PTPRR: variants seen among roughly 807,000 people sequenced by gnomAD.
PTPRR encodes protein tyrosine phosphatase receptor type R, also known as receptor-type tyrosine-protein phosphatase R.
A neutral mutation model predicts 77.2 loss-of-function variants in PTPRR; 38 were observed. The observed-to-expected ratio is 0.49, with a 90% confidence interval of 0.38 to 0.65. The LOEUF is 0.65. Ranked by LOEUF, PTPRR falls within the 30% of genes least tolerant of loss-of-function variation. PTPRR has a pLI of 0.00. For synonymous variants in PTPRR, 299 were observed against 283.1 expected, an observed-to-expected ratio of 1.06 and a Z score of -0.57; for missense variants, 744 against 799.2, an observed-to-expected ratio of 0.93 and a Z score of 0.83.
intron 6 of PTPRR, among the ~76,000 whole-genome samples, chr12:70,728,353 G>GA (rs142042129): frequency 0.094 from 10,674 of 113,416 alleles, 523 homozygotes; most frequent in Middle Eastern, 0.13. Context: ...TCCAAAATCT[G>GA]AAAAAAAAAC....
At chr12:70,677,785 T>C (rs149384045) in intron 10 of PTPRR, among the ~76,000 whole-genome samples, 3,089 of 152,328 alleles carry the variant, frequency 0.02, 60 homozygotes, top group Admixed American at 0.038. Flanking sequence ...ATGTTTTTAA[T>C]GTGCTATTGA....
intron 2 of PTPRR, among the ~76,000 whole-genome samples, chr12:70,771,328 T>A (rs1487730287): frequency 1.3e-5 from 2 of 152,144 alleles, no homozygotes; most frequent in East Asian, 3.9e-4. Context: ...TTCTCACTTA[T>A]AAGTGGGAGC....
chr12:70,737,450 G>A (rs2076567231), intron 6 of PTPRR, among the ~76,000 whole-genome samples: 1 of 151,806 alleles, frequency 6.6e-6, no homozygotes. Context: ...AAATGAGAGA[G>A]TTGGATCCAT....
intron 6 of PTPRR, among the ~76,000 whole-genome samples, chr12:70,706,035 G>GAA (rs5798999): frequency 6.8e-6 from 1 of 147,678 alleles, no homozygotes; most frequent in African/African-American, 2.5e-5. Context: ...AATGAAAAAG[G>GAA]AAAAAAAAAA....
chr12:70,720,225 A>G (rs1478330714), intron 6 of PTPRR, among the ~76,000 whole-genome samples: 1 of 152,196 alleles, frequency 6.6e-6, no homozygotes, highest in Non-Finnish European at 1.5e-5. Flanking sequence ...CTGGGGGCAC[A>G]TTACCTGGGC....
At chr12:70,913,518 T>C (rs1310180533) in intron 1 of PTPRR, among the ~76,000 whole-genome samples, 1 of 152,122 alleles carries the variant, frequency 6.6e-6, no homozygotes. Flanking sequence ...ATGTTGTTTA[T>C]CTAACTCTTT....
chr12:70,919,685 T>G lies in PTPRR; in HGVS notation c.58+648A>C, dbSNP rs1162222274. On this transcript the variant is annotated intron_variant, in intron 1 of 13. Transcript: ENST00000283228. ...TGGAACTGTAATTGTTTTTTTTTTT[T>G]TTTTTTTTTTTTTTTTTTTTAATAT... Among the ~76,000 whole-genome samples, 8 of 20,520 alleles carry G rather than the reference T, an allele frequency of 3.9e-4. No homozygotes were observed. In the South Asian group the frequency reaches 0.026, roughly 68 times the overall value. 13.5% of individuals were successfully genotyped at this position (20,520 alleles called of 152,430 possible).
intron 2 of PTPRR, among the ~76,000 whole-genome samples, chr12:70,819,618 T>C (rs187530872): frequency 9.8e-5 from 15 of 152,300 alleles, no homozygotes; most frequent in African/African-American, 3.6e-4. Flanking sequence ...TGTTTTGGTC[T>C]TCATGATATC....
chr12:70,715,826 CAA>C (rs1253960704), intron 6 of PTPRR, among the ~76,000 whole-genome samples: 7 of 152,156 alleles, frequency 4.6e-5, no homozygotes, highest in African/African-American at 1.7e-4. Context: ...AGGTACTCTA[CAA>C]TTTGTGCAGT....
chr12:70,769,922 T>C lies in PTPRR; in HGVS notation c.358-5144A>G, dbSNP rs1346845262. ...CAAGCAATGGGGAAAGATTCCCTATTTAATAAATGGTGCTGGGAAAACTGG... is the reference window on the plus strand; with the variant it reads ...CAAGCAATGGGGAAAGATTCCCTATCTAATAAATGGTGCTGGGAAAACTGG... On this transcript the variant is annotated intron_variant, in intron 2 of 13. Coordinates refer to ENST00000283228, the MANE Select transcript of PTPRR (RefSeq NM_002849.4). 5.9e-5 allele frequency among the ~76,000 whole-genome samples: 9 copies of C among 152,230 alleles called. No homozygotes were observed. The East Asian group carries it at 1.7e-3, about 29-fold the overall frequency.
rs58549756 is a variant in PTPRR, at chr12:70,823,108, GACACACACACACACACAC to G, written c.358-58348_358-58331del. The stretch of plus-strand genomic sequence containing the variant: ...CTTCTCTCTTGCTGTCTCTCTCTCT[GACACACACACACACACAC>G]ACACACACACACACACACACACACA... On this transcript the variant is annotated intron_variant, in intron 2 of 13. Coordinates refer to ENST00000283228, the MANE Select transcript of PTPRR (RefSeq NM_002849.4). Among the ~76,000 whole-genome samples, 270 of 139,672 alleles carry G rather than the reference GACACACACACACACACAC, an allele frequency of 1.9e-3. 5 individuals are homozygous for G. The East Asian group carries it at 0.033, about 17-fold the overall frequency. The allele number at this position is 139,672 out of a possible 152,430, so 91.6% of individuals were successfully genotyped here. A position where few individuals can be genotyped will look rare whatever the true frequency, so the allele number is the denominator to read the frequency against.
At position 70,661,317 on chromosome 12, in the gene PTPRR, A is replaced by T. The variant is rs908534841; in HGVS notation, c.1609-220T>A. On this transcript the variant is annotated intron_variant, in intron 11 of 13. Coordinates refer to ENST00000283228, the MANE Select transcript of PTPRR (RefSeq NM_002849.4). ...GTGAGAAAGTCATACCTTTGTTGAG[A>T]TTTACATCTCTACCTATAGTTATAA... is the stretch of plus-strand genomic sequence containing the variant. 3 of 611,090 alleles carry T rather than the reference A, an allele frequency of 4.9e-6. No homozygotes were observed. In the African/African-American group the frequency reaches 5.5e-5, roughly 11 times the overall value. The allele number at this position is 611,090 out of a possible 1,614,324, so 37.9% of individuals were successfully genotyped here. A position where few individuals can be genotyped will look rare whatever the true frequency, so the allele number is the denominator to read the frequency against.
chr12:70,699,397 A>G (rs1415031341), intron 7 of PTPRR, among the ~76,000 whole-genome samples: 1 of 152,198 alleles, frequency 6.6e-6, no homozygotes, highest in African/African-American at 2.4e-5. Context: ...AAGCTGGACT[A>G]TACTATGAAT....
At chr12:70,769,543 C>T (rs1488587354) in intron 2 of PTPRR, among the ~76,000 whole-genome samples, 10 of 152,188 alleles carry the variant, frequency 6.6e-5, no homozygotes, top group Admixed American at 6.5e-4. Context: ...ATTCCATGCT[C>T]ATGGGTAGGA....
chr12:70,834,752 T>C lies in PTPRR; in HGVS notation c.357+57927A>G, dbSNP rs537895052. Among the ~76,000 whole-genome samples, 17 of 152,228 alleles carry C rather than the reference T, an allele frequency of 1.1e-4. 1 individual carries two copies. The South Asian group carries it at 3.5e-3, about 32-fold the overall frequency. On this transcript the variant is annotated intron_variant, in intron 2 of 13. Coordinates refer to ENST00000283228, the MANE Select transcript of PTPRR (RefSeq NM_002849.4). ...AGTAATTCTCTCAAAAAGAGCATTT[T>C]TAAGGAGAAAAATCATATTGTTATT...
At chr12:70,873,939 A>G (rs1227212932) in intron 2 of PTPRR, among the ~76,000 whole-genome samples, 1 of 152,026 alleles carries the variant, frequency 6.6e-6, no homozygotes, top group Non-Finnish European at 1.5e-5. Flanking sequence ...GGAGATAGCC[A>G]CTCTATTCTA....
intron 2 of PTPRR, among the ~76,000 whole-genome samples, chr12:70,795,538 A>C (rs1032385657): frequency 9.2e-5 from 14 of 152,140 alleles, no homozygotes; most frequent in African/African-American, 3.4e-4. Flanking sequence ...TTGACTTTTT[A>C]TTACCATGAT....
At chr12:70,724,824 C>T (rs1415959985) in intron 6 of PTPRR, among the ~76,000 whole-genome samples, 1 of 151,952 alleles carries the variant, frequency 6.6e-6, no homozygotes, top group East Asian at 1.9e-4. Flanking sequence ...CACACACACA[C>T]ACATATATAT....
At chr12:70,654,317 C>T (rs1215248863) in intron 13 of PTPRR, among the ~76,000 whole-genome samples, 1 of 152,066 alleles carries the variant, frequency 6.6e-6, no homozygotes, top group Non-Finnish European at 1.5e-5. Flanking sequence ...GTGGCTCACA[C>T]CTACAATCCC....
Sources: gnomAD v4.1 joint callset for allele counts (sites outside exome capture counted in the v4.1 genomes callset) on GRCh38, gnomAD v4.1.1 for gene constraint, MANE v1.5 for transcripts, NCBI Gene and HGNC (gene_info 2026-07-23, HGNC 2026-07-21) for gene names.